Variants in TNR observed in about 807,000 individuals in gnomAD.
TNR encodes tenascin-R.
In TNR, 45 loss-of-function variants were observed where a neutral mutation model predicts 150.4. The observed-to-expected ratio is 0.30, with a 90% CI of 0.24 to 0.38. The LOEUF is 0.38. TNR is among the 10% of genes least tolerant of loss of function. TNR has a pLI of 1.00. For synonymous variants in TNR, 687 were observed against 678.4 expected (o/e 1.01, Z -0.20); for missense variants, 1,544 against 1,759.1 (o/e 0.88, Z 2.19).
chr1:175,687,568 A>G (rs551838542), intron 1 of TNR, among the ~76,000 whole-genome samples: 124 of 151,916 alleles, frequency 8.2e-4, no homozygotes, highest in African/African-American at 2.8e-3. Flanking sequence ...CTTCTTCCCC[A>G]TTTCTAAACC....
At chr1:175,668,551 G>T (rs796676392) in intron 1 of TNR, among the ~76,000 whole-genome samples, 4 of 152,296 alleles carry the variant, frequency 2.6e-5, no homozygotes, top group Non-Finnish European at 4.4e-5. Flanking sequence ...CAAGTGCCCT[G>T]AGACTGGGCA....
intron 2 of TNR, among the ~76,000 whole-genome samples, chr1:175,445,657 G>T (rs1656014568): frequency 6.6e-6 from 1 of 152,182 alleles, no homozygotes; most frequent in Non-Finnish European, 1.5e-5. Context: ...TATATTTAAA[G>T]AAGAAATAAG....
chr1:175,562,895 A>G (rs916491367), intron 1 of TNR, among the ~76,000 whole-genome samples: 5 of 152,378 alleles, frequency 3.3e-5, no homozygotes, highest in Non-Finnish European at 7.3e-5. Context: ...TAGGAAAACA[A>G]AAACAAAAAC....
At chr1:175,682,737 C>T (rs996062746) in intron 1 of TNR, among the ~76,000 whole-genome samples, 1 of 152,120 alleles carries the variant, frequency 6.6e-6, no homozygotes, top group Admixed American at 6.5e-5. Context: ...CAGGTGGAAG[C>T]AGAACTGGGT....
intron 18 of TNR, among the ~76,000 whole-genome samples, chr1:175,345,968 G>T (rs191546423): frequency 8.5e-5 from 13 of 152,108 alleles, no homozygotes; most frequent in African/African-American, 2.9e-4. Flanking sequence ...AACAGGAACC[G>T]GATTAACATT....
chr1:175,667,641 G>A (rs913399066), intron 1 of TNR, among the ~76,000 whole-genome samples: 4 of 152,158 alleles, frequency 2.6e-5, no homozygotes, highest in Non-Finnish European at 5.9e-5. Flanking sequence ...ATACAGCAGC[G>A]AGAGAGGATG....
At position 175,450,816 on chromosome 1, in the gene TNR, C is replaced by T. The variant is rs554117377; in HGVS notation, c.-63-44039G>A. Among the ~76,000 whole-genome samples, 11 of 152,280 alleles carry T rather than the reference C, an allele frequency of 7.2e-5. No homozygotes were observed. The East Asian group carries it at 2.1e-3, about 29-fold the overall frequency. On this transcript the variant is annotated intron_variant, in intron 2 of 22. Transcript: ENST00000367674. The stretch of plus-strand genomic sequence containing the variant: ...AAAAATCTAGGGGGTCCTGAGAAAC[C>T]ATCTGCAGCACTGGGGTCTGAAAGC...
chr1:175,383,362 T>C (rs1308564412), intron 8 of TNR, among the ~76,000 whole-genome samples: 1 of 152,224 alleles, frequency 6.6e-6, no homozygotes, highest in African/African-American at 2.4e-5. Flanking sequence ...GTTGACCAGA[T>C]GCCCTGGTGA....
At chr1:175,543,306 A>T (rs1224453491) in intron 1 of TNR, among the ~76,000 whole-genome samples, 1 of 152,178 alleles carries the variant, frequency 6.6e-6, no homozygotes, top group African/African-American at 2.4e-5. Flanking sequence ...CAGAGGAGCC[A>T]TTTAATGGGA....
chr1:175,650,955 A>C (rs1207646709), intron 1 of TNR, among the ~76,000 whole-genome samples: 10 of 18,858 alleles, frequency 5.3e-4, no homozygotes, highest in African/African-American at 8.5e-4. Context: ...CCATCTCATT[A>C]CTCCCCCCCA....
intron 1 of TNR, among the ~76,000 whole-genome samples, chr1:175,609,082 T>A (rs1316170007): frequency 6.6e-6 from 1 of 152,196 alleles, no homozygotes; most frequent in Non-Finnish European, 1.5e-5. Flanking sequence ...TGTCTGTCCC[T>A]GGGGAATGGA....
At chr1:175,410,043 T>G (rs557132588) in intron 2 of TNR, among the ~76,000 whole-genome samples, 173 of 152,240 alleles carry the variant, frequency 1.1e-3, no homozygotes, top group African/African-American at 4.0e-3. Flanking sequence ...AGGTCGACAT[T>G]GTATAGGGCA....
intron 1 of TNR, among the ~76,000 whole-genome samples, chr1:175,597,650 A>G (rs1663061015): frequency 6.6e-6 from 1 of 152,126 alleles, no homozygotes; most frequent in South Asian, 2.1e-4. Context: ...GAAGAGGCCT[A>G]TTGGTTTGGA....
intron 1 of TNR, among the ~76,000 whole-genome samples, chr1:175,708,018 T>TTGTG (rs10676470): frequency 0.02 from 2,907 of 144,726 alleles, 45 homozygotes; most frequent in African/African-American, 0.048. Context: ...ATGTGTGTGT[T>TTGTG]TGTGTGTGTG....
chr1:175,432,626 T>C (rs1557930846), intron 2 of TNR, among the ~76,000 whole-genome samples: 1 of 152,318 alleles, frequency 6.6e-6, no homozygotes, highest in East Asian at 1.9e-4. Flanking sequence ...CCTTTCTTCT[T>C]TCAGTTTTCC....
At chr1:175,638,067 C>T (rs961391078) in intron 1 of TNR, among the ~76,000 whole-genome samples, 1 of 152,182 alleles carries the variant, frequency 6.6e-6, no homozygotes, top group Non-Finnish European at 1.5e-5. Context: ...TCTGCAGAAG[C>T]ATACCTCATA....
intron 20 of TNR, 75 bp from the exon 21 acceptor site, chr1:175,330,310 G>A (rs1649669440): frequency 1.4e-6 from 2 of 1,434,552 alleles, no homozygotes; most frequent in Non-Finnish European, 1.9e-6. Context: ...ATGCGTCTGT[G>A]GCTTCAAAAC....
At chr1:175,521,330 C>G (rs367791913) in intron 2 of TNR, among the ~76,000 whole-genome samples, 1 of 152,128 alleles carries the variant, frequency 6.6e-6, no homozygotes, top group Admixed American at 6.5e-5. Context: ...GTTAGTCATA[C>G]GAGAATTCAG....
chr1:175,716,626 C>T (rs2101940573), intron 1 of TNR, among the ~76,000 whole-genome samples: 1 of 152,296 alleles, frequency 6.6e-6, no homozygotes, highest in Middle Eastern at 3.4e-3. Flanking sequence ...AGTCCTTCAA[C>T]AATGCTAGTG....
Sources: allele counts gnomAD v4.1 joint callset (sites outside exome capture counted in the v4.1 genomes callset), GRCh38; gene constraint gnomAD v4.1.1; transcripts MANE v1.5; gene names NCBI Gene and HGNC (gene_info 2026-07-23, HGNC 2026-07-21).